The following TMEM260 variants were observed in gnomAD, a reference collection of about 807,000 sequenced individuals.
TMEM260 encodes protein O-mannosyl-transferase TMEM260.
TMEM260 carries 82 observed loss-of-function variants against 88.9 expected under a neutral mutation model. The ratio of observed to expected loss-of-function variants is 0.92; its 90% CI spans 0.77 to 1.11. The LOEUF (loss-of-function observed/expected upper bound fraction) is 1.11. Ranked by LOEUF, TMEM260 falls within the 50% of genes least tolerant of loss-of-function variation. The pLI, the probability that TMEM260 is intolerant of heterozygous loss-of-function variation, is 0.00. For missense variants in TMEM260, 902 were observed against 853.4 expected (o/e 1.06, Z -0.71); for synonymous variants, 314 against 309.3 (o/e 1.02, Z -0.16).
intron 3 of TMEM260, 39 bp downstream of exon 3, chr14:56,585,951 T>A (rs1465044689): frequency 1.3e-6 from 2 of 1,599,094 alleles, no homozygotes; most frequent in Non-Finnish European, 1.7e-6. Flanking sequence ...TTTGAGCAGT[T>A]GGAGATGTAG....
the TMEM260 span, among the ~76,000 whole-genome samples, chr14:56,659,168 G>T: frequency 6.6e-6 from 1 of 152,094 alleles, no homozygotes; most frequent in East Asian, 1.9e-4. Context: ...GTTGGATGAA[G>T]GGTAGACAGG....
the TMEM260 span, among the ~76,000 whole-genome samples, chr14:56,662,925 C>T: frequency 0.011 from 1,734 of 152,148 alleles, 36 homozygotes; most frequent in African/African-American, 0.04. Context: ...GTTGGGAGTT[C>T]GAGACCAGCC....
At chr14:56,609,925 T>A (rs2139568810) in intron 6 of TMEM260, among the ~76,000 whole-genome samples, 1 of 152,262 alleles carries the variant, frequency 6.6e-6, no homozygotes, top group Admixed American at 6.5e-5. Context: ...ATATAGACAG[T>A]TATATCAGGT....
At chr14:56,615,171 C>T (rs1033820365) in intron 7 of TMEM260, among the ~76,000 whole-genome samples, 2 of 152,094 alleles carry the variant, frequency 1.3e-5, no homozygotes, top group Non-Finnish European at 2.9e-5. Context: ...TAGTAAAATA[C>T]ACATTGTATG....
downstream of TMEM260, chr14:56,650,157 C>T (rs1312955540): frequency 1.3e-5 from 6 of 446,134 alleles, 1 homozygote; most frequent in Middle Eastern, 7.5e-4. Context: ...GGTGACTTCT[C>T]ATGCAAGATT....
intron 3 of TMEM260, among the ~76,000 whole-genome samples, chr14:56,597,568 A>G (rs60102170): frequency 0.044 from 6,692 of 152,216 alleles, 489 homozygotes; most frequent in African/African-American, 0.15. Flanking sequence ...GGCTTATATT[A>G]TGTTTTATCA....
chr14:56,619,811 C>T (rs1189072887), intron 10 of TMEM260, among the ~76,000 whole-genome samples: 2 of 152,166 alleles, frequency 1.3e-5, no homozygotes, highest in African/African-American at 2.4e-5. Context: ...GAATATAAAT[C>T]ATTCTAACAT....
At chr14:56,631,414 G>A (rs1402007258) in intron 12 of TMEM260, among the ~76,000 whole-genome samples, 1 of 152,154 alleles carries the variant, frequency 6.6e-6, no homozygotes. Flanking sequence ...CCTGAGGTCA[G>A]AAGTTCAAGA....
chr14:56,593,605 T>C (rs903153492), intron 3 of TMEM260, among the ~76,000 whole-genome samples: 17 of 151,414 alleles, frequency 1.1e-4, no homozygotes, highest in South Asian at 4.2e-4. Context: ...TATTATGAGA[T>C]CTTAGAATTA....
chr14:56,653,745 A>AAAAAAAAAAAACAAAAC (rs1555343563), downstream of TMEM260, among the ~76,000 whole-genome samples: 1 of 137,368 alleles, frequency 7.3e-6, no homozygotes, highest in African/African-American at 2.5e-5. Context: ...CCAAAACAAA[A>AAAAAAAAAAAACAAAAC]AAAAAAAAAA....
chr14:56,599,906 C>T (rs935980866), intron 3 of TMEM260, among the ~76,000 whole-genome samples: 1 of 152,106 alleles, frequency 6.6e-6, no homozygotes, highest in Admixed American at 6.5e-5. Context: ...ATCCTCTTTG[C>T]AAAAATCCAA....
intron 15 of TMEM260, among the ~76,000 whole-genome samples, chr14:56,637,652 T>G (rs145483864): frequency 6.6e-5 from 10 of 152,334 alleles, no homozygotes; most frequent in African/African-American, 2.2e-4. Context: ...TTCTGCCATC[T>G]TTAGACTGCT....
downstream of TMEM260, chr14:56,650,332 G>A (rs1444755424): frequency 7.4e-6 from 2 of 270,666 alleles, no homozygotes; most frequent in African/African-American, 2.3e-5. Context: ...TGGCACCAAG[G>A]CTGGCACGCA....
In TMEM260 at chr14:56,603,829, C is replaced by T. The variant is rs1594833046; in HGVS notation, c.359C>T (p.Ser120Phe). Residue 120 changes from serine to phenylalanine, a missense_variant, in exon 4 of 16, where the codon TCT (serine) becomes TTT (phenylalanine). By Grantham distance (155) the Ser-to-Phe change is radical. Coordinates refer to ENST00000261556, the MANE Select transcript of TMEM260 (RefSeq NM_017799.4). ...FFTVFRLSGS[S>F]AGGILAAGVF... ...TGTGTTTGCAGGCTTTCTGGCTCAT[C>T]TGCTGGAGGAATCCTTGCTGCGGGG... The T allele has an allele frequency of 6.2e-7, 1 of 1,613,826 alleles. No individual in the cohort carries two copies. The highest frequency in any genetic ancestry group is 2.2e-5 in the East Asian group (1 of 44,866).
At chr14:56,643,092 G>A (rs1180113088) in intron 15 of TMEM260, among the ~76,000 whole-genome samples, 5 of 152,144 alleles carry the variant, frequency 3.3e-5, no homozygotes, top group Non-Finnish European at 7.3e-5. Flanking sequence ...GTACAAGGAG[G>A]AACTGGTACC....
At chr14:56,657,858 C>T in the TMEM260 span, among the ~76,000 whole-genome samples, 1 of 152,182 alleles carries the variant, frequency 6.6e-6, no homozygotes, top group Non-Finnish European at 1.5e-5. Flanking sequence ...CTCTCCCCAC[C>T]TTCTTTCCCA....
chr14:56,658,474 T>G, the TMEM260 span, among the ~76,000 whole-genome samples: 2 of 151,820 alleles, frequency 1.3e-5, no homozygotes, highest in Non-Finnish European at 2.9e-5. Context: ...CTCAAACTCC[T>G]GACCACTCGC....
chr14:56,606,451 T>C (rs983599788), intron 5 of TMEM260, among the ~76,000 whole-genome samples: 1 of 152,170 alleles, frequency 6.6e-6, no homozygotes, highest in Non-Finnish European at 1.5e-5. Flanking sequence ...AAAACAAAAT[T>C]ATTATCTAGA....
At chr14:56,659,652 C>T in the TMEM260 span, among the ~76,000 whole-genome samples, 1 of 152,182 alleles carries the variant, frequency 6.6e-6, no homozygotes, top group East Asian at 1.9e-4. Flanking sequence ...ACAGCAGGAT[C>T]TAGTCGGGGA....
Sources: allele counts gnomAD v4.1 joint callset (sites outside exome capture counted in the v4.1 genomes callset), GRCh38; gene constraint gnomAD v4.1.1; transcripts MANE v1.5; gene names NCBI Gene and HGNC (gene_info 2026-07-23, HGNC 2026-07-21).